FERMT2: variants seen among roughly 807,000 people sequenced by gnomAD.
The protein encoded by FERMT2 is FERM domain containing kindlin 2, also known as fermitin family homolog 2.
FERMT2 carries 15 observed loss-of-function variants against 82.7 expected under a neutral mutation model. That is an observed-to-expected ratio of 0.18 (90% CI 0.12 to 0.28). The LOEUF (loss-of-function observed/expected upper bound fraction) is 0.28, where lower values mean the gene tolerates loss of function less well. Among genes scored for constraint, FERMT2 ranks in the 10% least tolerant of loss-of-function variants. The pLI, the probability that FERMT2 is intolerant of heterozygous loss-of-function variation, is 1.00. For missense variants in FERMT2, 645 were observed against 809.4 expected (o/e 0.80, Z 2.46); for synonymous variants, 274 against 271.5 (o/e 1.01, Z -0.09).
intron 2 of FERMT2, among the ~76,000 whole-genome samples, chr14:52,946,523 C>T (rs1301816542): frequency 6.6e-6 from 1 of 152,034 alleles, no homozygotes; most frequent in Non-Finnish European, 1.5e-5. Context: ...TGTGGTGGTG[C>T]GTGCCTGTAG....
At chr14:52,929,972 C>T (rs1889488168) in intron 2 of FERMT2, among the ~76,000 whole-genome samples, 1 of 151,956 alleles carries the variant, frequency 6.6e-6, no homozygotes, top group Non-Finnish European at 1.5e-5. Flanking sequence ...AATTAATCCT[C>T]CTTTTGAAAA....
At position 52,918,742 on chromosome 14, in the gene FERMT2, G is replaced by A. The variant is rs562267159; in HGVS notation, c.391+381C>T. 5.3e-5 allele frequency among the ~76,000 whole-genome samples: 8 copies of A among 152,306 alleles called. No individual in the cohort carries two copies. The South Asian group carries it at 1.7e-3, about 32-fold the overall frequency. On this transcript the variant is annotated intron_variant, in intron 3 of 14. Coordinates refer to ENST00000341590, the MANE Select transcript of FERMT2 (RefSeq NM_006832.3). ...ACTCATAGTCATTTCCTTAGGAGCT[G>A]TGTCAGGCCTTCAATGGAGGAAGTG...
At chr14:52,931,650 A>G (rs1334094165) in intron 2 of FERMT2, among the ~76,000 whole-genome samples, 1 of 152,264 alleles carries the variant, frequency 6.6e-6, no homozygotes, top group Non-Finnish European at 1.5e-5. Context: ...TGATAATTAA[A>G]TAGATGATAA....
intron 3 of FERMT2, among the ~76,000 whole-genome samples, chr14:52,909,917 G>T (rs1031132839): frequency 1.3e-5 from 2 of 152,094 alleles, no homozygotes; most frequent in African/African-American, 4.8e-5. Context: ...GCTGGGCGTG[G>T]TGGAGCGCAC....
At chr14:52,897,035 CA>C (rs1887315379) in intron 3 of FERMT2, among the ~76,000 whole-genome samples, 1 of 150,012 alleles carries the variant, frequency 6.7e-6, no homozygotes, top group Non-Finnish European at 1.5e-5. Context: ...CACACACACA[CA>C]CACACACACA....
rs534723364 is a variant in FERMT2 at position 52,875,897 on chromosome 14, G to A, written c.964-540C>T. Among the ~76,000 whole-genome samples, 14 of 152,216 alleles carry A rather than the reference G, an allele frequency of 9.2e-5. No individual in the cohort carries two copies. In the East Asian group the frequency reaches 2.3e-3, roughly 25 times the overall value. On this transcript the variant is annotated intron_variant, in intron 7 of 14. Coordinates refer to ENST00000341590, the MANE Select transcript of FERMT2 (RefSeq NM_006832.3). ...TTCTCATATCTAAGAATGTTTGTACGTGAGTACGCACATGGACACCCACAT... is the reference window on the plus strand; with the variant it reads ...TTCTCATATCTAAGAATGTTTGTACATGAGTACGCACATGGACACCCACAT...
intron 2 of FERMT2, among the ~76,000 whole-genome samples, chr14:52,924,874 A>G (rs912944338): frequency 7.9e-5 from 12 of 152,222 alleles, no homozygotes; most frequent in Admixed American, 6.5e-4. Flanking sequence ...AGTGGCTGAA[A>G]TGATTTCGTA....
At chr14:52,858,738 TC>T (rs1476323929) in intron 14 of FERMT2, 188 bp from the exon 15 acceptor site, 5 of 520,934 alleles carry the variant, frequency 9.6e-6, no homozygotes, top group Non-Finnish European at 1.7e-5. Context: ...TTATTGCCCT[TC>T]CCCTACACTT....
chr14:52,906,505 C>G (rs529436042), intron 3 of FERMT2, among the ~76,000 whole-genome samples: 2 of 150,308 alleles, frequency 1.3e-5, no homozygotes, highest in Non-Finnish European at 3.0e-5. Context: ...AAAAATCCAG[C>G]CACTATGACG....
chr14:52,930,814 T>C (rs1234529448), intron 2 of FERMT2, among the ~76,000 whole-genome samples: 1 of 152,216 alleles, frequency 6.6e-6, no homozygotes, highest in Non-Finnish European at 1.5e-5. Context: ...AGACAGGGCC[T>C]ACAAGTAAAA....
At chr14:52,874,135 T>C (rs1241265967) in intron 9 of FERMT2, 42 bp downstream of exon 9, 2 of 1,298,910 alleles carry the variant, frequency 1.5e-6, no homozygotes, top group East Asian at 2.4e-5. Flanking sequence ...ACTATAAAGC[T>C]GACAGTTATT....
intron 2 of FERMT2, among the ~76,000 whole-genome samples, chr14:52,921,491 A>G (rs1444513675): frequency 6.6e-6 from 1 of 152,244 alleles, no homozygotes; most frequent in Non-Finnish European, 1.5e-5. Flanking sequence ...TTTCTAGCAC[A>G]GAATTTGCCA....
intron 2 of FERMT2, among the ~76,000 whole-genome samples, chr14:52,939,931 C>T (rs1890017413): frequency 1.3e-5 from 2 of 152,170 alleles, no homozygotes; most frequent in South Asian, 2.1e-4. Context: ...ATCAATAATG[C>T]TAGCACTTTA....
chr14:52,940,334 C>T (rs1311255725), intron 2 of FERMT2, among the ~76,000 whole-genome samples: 2 of 152,166 alleles, frequency 1.3e-5, no homozygotes, highest in Non-Finnish European at 2.9e-5. Context: ...TTCTCATATA[C>T]ACGAATTCAC....
chr14:52,900,121 T>C (rs1887534538), intron 3 of FERMT2, among the ~76,000 whole-genome samples: 1 of 152,110 alleles, frequency 6.6e-6, no homozygotes, highest in African/African-American at 2.4e-5. Flanking sequence ...TGTTTGTTTG[T>C]TTTAAAGATA....
chr14:52,942,938 C>T (rs1264848563), intron 2 of FERMT2, among the ~76,000 whole-genome samples: 4 of 152,094 alleles, frequency 2.6e-5, no homozygotes, highest in Admixed American at 2.6e-4. Flanking sequence ...CTTGGCCAGG[C>T]GTGGTGGCTG....
At chr14:52,946,917 C>T (rs1210604914) in intron 2 of FERMT2, among the ~76,000 whole-genome samples, 1 of 152,136 alleles carries the variant, frequency 6.6e-6, no homozygotes, top group Non-Finnish European at 1.5e-5. Context: ...AGGTGATCCA[C>T]CTGCCTCAGC....
Position 52,877,574 on chromosome 14 carries a change from CTTTTTT to C in FERMT2, c.963+1002_963+1007del, listed in dbSNP as rs34676786. Among the ~76,000 whole-genome samples, 9 of 67,066 alleles carry C rather than the reference CTTTTTT, an allele frequency of 1.3e-4. 1 individual carries two copies. The highest frequency in any genetic ancestry group is 4.3e-4 in the African/African-American group (7 of 16,408). The allele number at this position is 67,066 out of a possible 152,430, so 44.0% of individuals were successfully genotyped here. A position where few individuals can be genotyped will look rare whatever the true frequency, so the allele number is the denominator to read the frequency against. ...CTAAGGTGAAAATTAGCTGTTCTTG[CTTTTTT>C]TTTTTTTTTTTTTTTTTTGCTAACC... On this transcript the variant is annotated intron_variant, in intron 7 of 14. Coordinates refer to ENST00000341590, the MANE Select transcript of FERMT2 (RefSeq NM_006832.3).
At chr14:52,920,868 TGGGAGGTAGATCAA>T (rs1360924307) in intron 2 of FERMT2, among the ~76,000 whole-genome samples, 1 of 151,580 alleles carries the variant, frequency 6.6e-6, no homozygotes, top group African/African-American at 2.4e-5. Flanking sequence ...GGACTGAACC[TGGGAGGTAGATCAA>T]GGTTGCAGTG....
Sources: allele counts gnomAD v4.1 joint callset (sites outside exome capture counted in the v4.1 genomes callset), GRCh38; gene constraint gnomAD v4.1.1; transcripts MANE v1.5; gene names NCBI Gene and HGNC (gene_info 2026-07-23, HGNC 2026-07-21).